MICAL3: variants seen among roughly 807,000 people sequenced by gnomAD.
MICAL3 encodes the protein microtubule associated monooxygenase, calponin and LIM domain containing 3.
MICAL3 carries 62 observed loss-of-function variants against 207.4 expected under a neutral mutation model. That is an observed-to-expected ratio of 0.30 (90% CI 0.24 to 0.37). MICAL3 has a LOEUF of 0.37. MICAL3 is among the 10% of genes least tolerant of loss of function. MICAL3 has a pLI of 1.00. For synonymous variants in MICAL3, 1,077 were observed against 1,069.3 expected (o/e 1.01, Z -0.14); for missense variants, 2,368 against 2,635.6 (o/e 0.90, Z 2.22).
chr22:17,908,026 C>A lies in MICAL3; in HGVS notation c.-74-1140G>T, dbSNP rs9618159. On this transcript the variant is annotated intron_variant, in intron 1 of 31. Transcript: ENST00000441493. ...AGATGGCACCGCGTGTACTCCTGCA[C>A]CCACCGGCTCCTGTGAGTCTGCAGA... is the stretch of plus-strand genomic sequence containing the variant. 7.4e-3 allele frequency among the ~76,000 whole-genome samples: 1,126 copies of A among 152,232 alleles called. 12 individuals carry two copies. Among genetic ancestry groups the A allele is most frequent in the African/African-American group, 0.026 (1,072 of 41,520 alleles).
chr22:17,907,067 G>A (rs1277793104), intron 1 of MICAL3, among the ~76,000 whole-genome samples, 181 bp from the exon 2 acceptor site: 4 of 152,218 alleles, frequency 2.6e-5, no homozygotes, highest in Non-Finnish European at 5.9e-5. Context: ...TGAGCAGGAT[G>A]GTTCTTGCTC....
intron 1 of MICAL3, among the ~76,000 whole-genome samples, chr22:17,911,513 G>A (rs1166231499): frequency 6.6e-6 from 1 of 152,054 alleles, no homozygotes; most frequent in Non-Finnish European, 1.5e-5. Context: ...TCAGTCAGAG[G>A]TATGTCTCAT....
intron 1 of MICAL3, among the ~76,000 whole-genome samples, chr22:17,939,646 G>A (rs1345044505): frequency 6.6e-6 from 1 of 152,210 alleles, no homozygotes; most frequent in Non-Finnish European, 1.5e-5. Context: ...TGTTAAGATG[G>A]CATCAATGAT....
At chr22:17,996,506 TC>T (rs1197240901) in intron 1 of MICAL3, among the ~76,000 whole-genome samples, 1 of 151,824 alleles carries the variant, frequency 6.6e-6, no homozygotes, top group Non-Finnish European at 1.5e-5. Flanking sequence ...TGGTCATTCT[TC>T]CCAGTTTTTT....
rs1438957316 is a variant in MICAL3 at position 17,901,067 on chromosome 22, G to C, written c.692-70C>G. ...AAGGAAGATCACTTCAGATAAAGTG[G>C]GGGTGCTGATAAAGACAACAGGGAA... On this transcript the variant is annotated intron_variant, in intron 5 of 31. Coordinates refer to ENST00000441493, the MANE Select transcript of MICAL3 (RefSeq NM_015241.3). The C allele has an allele frequency of 2.0e-6, 3 of 1,482,410 alleles. No homozygotes were observed. The South Asian group carries it at 3.4e-5, about 17-fold the overall frequency. 91.8% of individuals were successfully genotyped at this position (1,482,410 alleles called of 1,614,324 possible).
chr22:17,909,200 C>T (rs1313328673), intron 1 of MICAL3, among the ~76,000 whole-genome samples: 1 of 152,184 alleles, frequency 6.6e-6, no homozygotes, highest in Non-Finnish European at 1.5e-5. Flanking sequence ...ATCACGTACT[C>T]AACAAACCCT....
chr22:17,846,752 C>T (rs142445280), intron 19 of MICAL3, among the ~76,000 whole-genome samples: 2 of 152,310 alleles, frequency 1.3e-5, no homozygotes, highest in East Asian at 1.9e-4. Context: ...CAGCTTAAAG[C>T]GGGATGAAAG....
rs2145941890 is a variant in MICAL3 at position 17,789,060 on chromosome 22, T to TAAC, written c.*1671_*1672insGTT. The TAAC allele has an allele frequency of 6.6e-6, 1 of 152,550 alleles. No individual in the cohort carries two copies. The highest frequency in any genetic ancestry group is 1.9e-4 in the East Asian group (1 of 5,196). 9.4% of individuals were successfully genotyped at this position (152,550 alleles called of 1,614,324 possible). A position where few individuals can be genotyped will look rare whatever the true frequency, so the allele number is the denominator to read the frequency against. On this transcript the variant is annotated 3_prime_UTR_variant, in exon 32 of 32. Coordinates refer to ENST00000441493, the MANE Select transcript of MICAL3 (RefSeq NM_015241.3). ...ATTAGCTCAGTGGCTTGATGAGCTGTACACAGCCAGGCTGGTGCGGAACCG... is the reference window on the plus strand; with the variant it reads ...ATTAGCTCAGTGGCTTGATGAGCTGTAACACACAGCCAGGCTGGTGCGGAACCG...
At chr22:17,924,353 G>A (rs1932865732) in intron 1 of MICAL3, among the ~76,000 whole-genome samples, 1 of 152,154 alleles carries the variant, frequency 6.6e-6, no homozygotes, top group South Asian at 2.1e-4. Flanking sequence ...ACCAGTTCAG[G>A]TACAGATTAA....
intron 1 of MICAL3, among the ~76,000 whole-genome samples, chr22:17,920,708 T>C (rs1932782259): frequency 6.6e-6 from 1 of 152,032 alleles, no homozygotes; most frequent in Admixed American, 6.6e-5. Flanking sequence ...CATCCACAGG[T>C]GCCTCCCACC....
chr22:17,996,139 A>G (rs1355934760), intron 1 of MICAL3, among the ~76,000 whole-genome samples: 1 of 149,848 alleles, frequency 6.7e-6, no homozygotes, highest in Non-Finnish European at 1.5e-5. Context: ...CAATTTAAAA[A>G]AAAAAAAAAA....
intron 21 of MICAL3, among the ~76,000 whole-genome samples, chr22:17,830,836 C>G (rs537349826): frequency 6.6e-6 from 1 of 152,222 alleles, no homozygotes; most frequent in Non-Finnish European, 1.5e-5. Flanking sequence ...CCCAACGGTG[C>G]GGTTCCTTCT....
rs1374049196 is a variant in MICAL3 at position 17,900,464 on chromosome 22, T to C, written c.847+378A>G. On this transcript the variant is annotated intron_variant, in intron 6 of 31. Coordinates refer to ENST00000441493, the MANE Select transcript of MICAL3 (RefSeq NM_015241.3). The surrounding 1 kb of genome is among the most constrained non-coding windows in gnomAD (Gnocchi z 4.0). ...AGTAATACGAAAAATTAGCCAGGCA[T>C]GGTGGAGCTTGCCTGTAGTCCCAGC... Among the ~76,000 whole-genome samples, 2 of 151,938 alleles carry C rather than the reference T, an allele frequency of 1.3e-5. No homozygotes were observed. The highest frequency in any genetic ancestry group is 2.4e-5 in the African/African-American group (1 of 41,358).
intron 1 of MICAL3, 44 bp from the exon 2 acceptor site, chr22:17,906,930 C>T (rs1248694557): frequency 9.8e-7 from 1 of 1,016,288 alleles, no homozygotes; most frequent in Admixed American, 2.4e-5. Flanking sequence ...TCTCTGTCTA[C>T]AAACATTCTC....
Position 17,885,995 on chromosome 22 carries a change from T to A in MICAL3, c.2124A>T (p.Thr708=), listed in dbSNP as rs746916190. 4 of 1,614,048 alleles carry A rather than the reference T, an allele frequency of 2.5e-6. No individual in the cohort carries two copies. Among genetic ancestry groups the A allele is most frequent in the South Asian group, 2.2e-5 (2 of 91,086 alleles). Residue 708 remains threonine (T), a synonymous_variant, in exon 16 of 32, where the codon ACA becomes ACT. Coordinates refer to ENST00000441493, the MANE Select transcript of MICAL3 (RefSeq NM_015241.3). ...CAACGGCAACGTCCATCCTCCTGTCTGTCAGAGTGCTCACCAGGGTCGGTC... is the reference window on the plus strand; with the variant it reads ...CAACGGCAACGTCCATCCTCCTGTCAGTCAGAGTGCTCACCAGGGTCGGTC... The part of the protein sequence containing the change: ...GERPTLVSTL[T]DRRMDVAVGN...
At chr22:17,862,857 G>A (rs1318650426) in intron 19 of MICAL3, 1 of 985,454 alleles carries the variant, frequency 1.0e-6, no homozygotes, top group Non-Finnish European at 1.2e-6. Context: ...CCCAAGCTGG[G>A]GGACAGTGCC....
chr22:17,961,193 A>G (rs1934898309), intron 1 of MICAL3, among the ~76,000 whole-genome samples: 1 of 152,144 alleles, frequency 6.6e-6, no homozygotes, highest in Non-Finnish European at 1.5e-5. Context: ...GAGAAGCCAA[A>G]CATGAAGGCA....
intron 16 of MICAL3, among the ~76,000 whole-genome samples, chr22:17,877,104 G>A (rs1278021247): frequency 1.3e-4 from 19 of 142,330 alleles, no homozygotes; most frequent in South Asian, 2.2e-4. Flanking sequence ...GGTTAGGGAG[G>A]TTATGGAGGT....
intron 1 of MICAL3, chr22:18,019,764 CT>C: frequency 2.4e-5 from 5 of 206,234 alleles, no homozygotes; most frequent in Non-Finnish European, 3.0e-5. Flanking sequence ...TGGAATGCGG[CT>C]TTTTTGGAAT....
Sources: gnomAD v4.1 joint callset for allele counts (sites outside exome capture counted in the v4.1 genomes callset) on GRCh38, gnomAD v4.1.1 for gene constraint, Gnocchi (gnomAD v3.1) non-coding constraint, MANE v1.5 for transcripts, NCBI Gene and HGNC (gene_info 2026-07-23, HGNC 2026-07-21) for gene names.